TUT4: variants seen among roughly 807,000 people sequenced by gnomAD.
The protein encoded by TUT4 is terminal uridylyltransferase 4.
TUT4 carries 36 observed loss-of-function variants against 192.2 expected under a neutral mutation model. That is an observed-to-expected ratio of 0.19 (90% CI 0.14 to 0.25). TUT4 has a LOEUF of 0.25. Ranked by LOEUF, TUT4 falls within the 10% of genes least tolerant of loss-of-function variation. TUT4 has a pLI of 1.00. For missense variants in TUT4, 1,493 were observed against 1,957.2 expected (o/e 0.76, Z 4.47); for synonymous variants, 618 against 666.0 (o/e 0.93, Z 1.11).
At chr1:52,452,463 C>T (rs1340724506) in intron 20 of TUT4, among the ~76,000 whole-genome samples, 2 of 152,198 alleles carry the variant, frequency 1.3e-5, no homozygotes, top group East Asian at 3.8e-4. Flanking sequence ...GGCATGATTA[C>T]AGGGTTGGGA....
chr1:52,523,772 A>T (rs1680936678), intron 2 of TUT4, among the ~76,000 whole-genome samples: 3 of 123,616 alleles, frequency 2.4e-5, no homozygotes, highest in Admixed American at 2.1e-4. Flanking sequence ...TTAATATACA[A>T]TTGAGACTGA....
At chr1:52,448,941 G>C (rs1386381156) in intron 20 of TUT4, among the ~76,000 whole-genome samples, 1 of 152,144 alleles carries the variant, frequency 6.6e-6, no homozygotes, top group African/African-American at 2.4e-5. Flanking sequence ...CAGTGGAGTA[G>C]GTCTGTGGGC....
chr1:52,527,587 A>T (rs1051529122), intron 1 of TUT4, among the ~76,000 whole-genome samples: 3 of 151,314 alleles, frequency 2.0e-5, no homozygotes, highest in Non-Finnish European at 3.0e-5. Flanking sequence ...TTAAGAGTTT[A>T]AAAAAAAACA....
intron 16 of TUT4, chr1:52,463,542 A>AAGAGGTGT (rs1663204823): frequency 8.5e-7 from 1 of 1,178,684 alleles, no homozygotes; most frequent in African/African-American, 1.6e-5. Flanking sequence ...TTATAATGTA[A>AAGAGGTGT]CAGAGGCGAT....
intron 27 of TUT4, 67 bp from the exon 28 acceptor site, chr1:52,431,527 A>G (rs1652065579): frequency 8.3e-7 from 1 of 1,206,460 alleles, no homozygotes; most frequent in Non-Finnish European, 1.1e-6. Context: ...AAGTAGAGAT[A>G]AAATACAAAA....
chr1:52,435,318 C>T, intron 27 of TUT4, 47 bp downstream of exon 27: 1 of 1,463,548 alleles, frequency 6.8e-7, no homozygotes, highest in Non-Finnish European at 9.5e-7. Flanking sequence ...ATTAAAGATA[C>T]TGCTATCATC....
At chr1:52,469,512 A>G (rs1665105636) in intron 14 of TUT4, among the ~76,000 whole-genome samples, 1 of 152,240 alleles carries the variant, frequency 6.6e-6, no homozygotes, top group African/African-American at 2.4e-5. Flanking sequence ...TCACTGTTGG[A>G]GTGGGGGCTA....
chr1:52,491,785 T>C (rs1671229247), intron 7 of TUT4, among the ~76,000 whole-genome samples: 1 of 152,160 alleles, frequency 6.6e-6, no homozygotes, highest in South Asian at 2.1e-4. Flanking sequence ...GTTGTAATTA[T>C]TAATTTAGTC....
At chr1:52,462,175 C>CTTTTTTTTTTT (rs1210058850) in intron 16 of TUT4, 4 of 121,062 alleles carry the variant, frequency 3.3e-5, no homozygotes, top group African/African-American at 6.3e-5. Flanking sequence ...GGATTCAAAT[C>CTTTTTTTTTTT]TTTTTTTTTT....
intron 20 of TUT4, among the ~76,000 whole-genome samples, chr1:52,455,214 G>A (rs759375943): frequency 1.3e-5 from 2 of 152,188 alleles, no homozygotes; most frequent in Non-Finnish European, 2.9e-5. Flanking sequence ...AGCTCAGGAA[G>A]TGGAGGTTGC....
At chr1:52,458,587 A>C in intron 19 of TUT4, 138 bp from the exon 20 acceptor site, 1 of 553,946 alleles carries the variant, frequency 1.8e-6, no homozygotes, top group South Asian at 3.0e-5. Flanking sequence ...ACCGTCTATA[A>C]TCCCAACACT....
rs774019200 is a variant in TUT4, at chr1:52,477,860, G to A, written c.1871C>T (p.Pro624Leu). The A allele has an allele frequency of 6.2e-7, 1 of 1,608,792 alleles. No individual in the cohort carries two copies. The highest frequency in any genetic ancestry group is 1.1e-5 in the South Asian group (1 of 90,202). Residue 624 changes from proline (P) to leucine (L), a missense_variant, in exon 12 of 30, where the codon CCA becomes CTA. This residue lies in a region of TUT4 where 437 missense variants were observed against 577.6 expected (regional missense o/e 0.76). Coordinates refer to ENST00000257177, the MANE Select transcript of TUT4 (RefSeq NM_001009881.3). ...HGKSPLALET[P>L]NRVSLGQLWL... Reference sequence around the variant, plus strand: ...TAACTGTCCCAAGGATACCCGATTTGGTGTTTCCAATGCTAAAGGAGACTG... The same window carrying A: ...TAACTGTCCCAAGGATACCCGATTTAGTGTTTCCAATGCTAAAGGAGACTG...
intron 25 of TUT4, 80 bp downstream of exon 25, chr1:52,438,140 C>T: frequency 8.9e-7 from 1 of 1,122,556 alleles, no homozygotes; most frequent in Middle Eastern, 2.0e-4. Context: ...CTCAGTTAAA[C>T]ATTTCTGAAC....
chr1:52,505,515 G>A (rs1006093700), intron 4 of TUT4, among the ~76,000 whole-genome samples: 4 of 149,366 alleles, frequency 2.7e-5, no homozygotes, highest in African/African-American at 7.5e-5. Context: ...TCTACCTCTG[G>A]GATTCAAGCG....
chr1:52,475,600 C>T, intron 12 of TUT4, 65 bp from the exon 13 acceptor site: 1 of 1,390,094 alleles, frequency 7.2e-7, no homozygotes, highest in East Asian at 2.5e-5. Context: ...CAAGCTCATA[C>T]AAGTAGATCT....
In TUT4 at chr1:52,490,819, A is replaced by G; in HGVS notation, c.1319-18T>C. 1 of 1,580,878 alleles carries G rather than the reference A, an allele frequency of 6.3e-7. No individual in the cohort carries two copies. The highest frequency in any genetic ancestry group is 1.4e-5 in the African/African-American group (1 of 73,344). On this transcript the variant is annotated intron_variant, in intron 7 of 29. Transcript: ENST00000257177. ...ATATAATACTAATAAGGAAAAAAAA[A>G]AGTAAGCTAATGTCAACATCTCTAA...
intron 26 of TUT4, among the ~76,000 whole-genome samples, chr1:52,436,114 A>G (rs953028059): frequency 6.6e-6 from 1 of 152,190 alleles, no homozygotes; most frequent in Non-Finnish European, 1.5e-5. Context: ...AAGAAATATA[A>G]TTCTCCAATA....
chr1:52,490,337 G>A lies in TUT4; in HGVS notation c.1388+395C>T, dbSNP rs58003237. ...CCTGGCTGATTTTTTTATTTTTTTT[G>A]TGGAGACAAGGTCTCACTATGTTGC... On this transcript the variant is annotated intron_variant, in intron 8 of 29. Coordinates refer to ENST00000257177, the MANE Select transcript of TUT4 (RefSeq NM_001009881.3). 1.6e-3 allele frequency among the ~76,000 whole-genome samples: 235 copies of A among 150,714 alleles called. 7 individuals are homozygous for A. In the East Asian group the frequency reaches 0.043, roughly 27 times the overall value.
chr1:52,498,334 C>G (rs1672997380), intron 4 of TUT4, among the ~76,000 whole-genome samples: 1 of 151,488 alleles, frequency 6.6e-6, no homozygotes, highest in African/African-American at 2.4e-5. Context: ...CTCCGCCCCC[C>G]CGGGGTTCAC....
Sources: allele counts gnomAD v4.1 joint callset (sites outside exome capture counted in the v4.1 genomes callset), GRCh38; gene constraint gnomAD v4.1.1; regional missense constraint gnomAD v4.1.1; transcripts MANE v1.5; gene names NCBI Gene and HGNC (gene_info 2026-07-23, HGNC 2026-07-21).